Variants in PRR16 observed in about 807,000 individuals in gnomAD.
The protein encoded by PRR16 is protein Largen.
In PRR16, 6 loss-of-function variants were observed where a neutral mutation model predicts 18.2. The ratio of observed to expected loss-of-function variants is 0.33; its 90% CI spans 0.18 to 0.65. PRR16 has a LOEUF of 0.65. Ranked by LOEUF, PRR16 falls within the 30% of genes least tolerant of loss-of-function variation. PRR16 has a pLI of 0.74. For missense variants in PRR16, 412 were observed against 376.6 expected, an observed-to-expected ratio of 1.09 and a Z score of -0.78; for synonymous variants, 151 against 147.8, an observed-to-expected ratio of 1.02 and a Z score of -0.16.
At chr5:120,561,046 AT>A (rs1391282441) in intron 1 of PRR16, among the ~76,000 whole-genome samples, 1 of 151,620 alleles carries the variant, frequency 6.6e-6, no homozygotes, top group Non-Finnish European at 1.5e-5. Flanking sequence ...AGGTTTGTAA[AT>A]TTTATCTTTT....
At chr5:120,753,940 ATATAT>A in the PRR16 span, among the ~76,000 whole-genome samples, 6 of 5,918 alleles carry the variant, frequency 1.0e-3, no homozygotes, top group African/African-American at 1.1e-3. Flanking sequence ...ATTATATATA[ATATAT>A]GTTATATATT....
At chr5:120,704,302 G>GT in the PRR16 span, among the ~76,000 whole-genome samples, 1 of 152,100 alleles carries the variant, frequency 6.6e-6, no homozygotes, top group African/African-American at 2.4e-5. Flanking sequence ...GGGAGGCCTG[G>GT]TTTCTATGAG....
chr5:120,757,632 T>A, the PRR16 span, among the ~76,000 whole-genome samples: 1 of 152,220 alleles, frequency 6.6e-6, no homozygotes, highest in South Asian at 2.1e-4. Flanking sequence ...AAATACTCCT[T>A]GACACAAATA....
At chr5:120,522,516 G>A (rs567280374) in intron 1 of PRR16, among the ~76,000 whole-genome samples, 1 of 152,166 alleles carries the variant, frequency 6.6e-6, no homozygotes, top group African/African-American at 2.4e-5. Flanking sequence ...TTTTGATGAG[G>A]TTGTTTGACT....
At chr5:120,687,805 C>T (rs1045490729), downstream of PRR16, among the ~76,000 whole-genome samples, 5 of 152,180 alleles carry the variant, frequency 3.3e-5, no homozygotes, top group Non-Finnish European at 7.3e-5. Flanking sequence ...TTCCTTCTAA[C>T]ATCAAATAAA....
chr5:120,643,872 G>A (rs920097498), intron 1 of PRR16, among the ~76,000 whole-genome samples: 2 of 152,114 alleles, frequency 1.3e-5, no homozygotes, highest in African/African-American at 4.8e-5. Flanking sequence ...CGGCATGGTG[G>A]TGGGTGTCTG....
At chr5:120,623,521 T>C (rs1754756839) in intron 1 of PRR16, among the ~76,000 whole-genome samples, 1 of 152,158 alleles carries the variant, frequency 6.6e-6, no homozygotes, top group African/African-American at 2.4e-5. Context: ...AAAATGAGGA[T>C]TAATTGGTAA....
intron 1 of PRR16, among the ~76,000 whole-genome samples, chr5:120,562,783 C>G (rs1179643749): frequency 6.6e-6 from 1 of 152,090 alleles, no homozygotes; most frequent in Non-Finnish European, 1.5e-5. Context: ...AACTCTACAC[C>G]TTAACTCTGT....
intron 1 of PRR16, among the ~76,000 whole-genome samples, chr5:120,539,529 G>C (rs957360297): frequency 6.6e-6 from 1 of 152,048 alleles, no homozygotes; most frequent in Admixed American, 6.6e-5. Context: ...TGGATGGGAA[G>C]AGGGTGAATA....
At chr5:120,644,080 C>T (rs1188774933) in intron 1 of PRR16, among the ~76,000 whole-genome samples, 2 of 152,018 alleles carry the variant, frequency 1.3e-5, no homozygotes, top group Non-Finnish European at 1.5e-5. Context: ...AGCTCAATGA[C>T]TTGGGTTCTA....
intron 1 of PRR16, among the ~76,000 whole-genome samples, chr5:120,530,149 CAT>C (rs1196389606): frequency 1.4e-5 from 2 of 146,760 alleles, no homozygotes; most frequent in Non-Finnish European, 3.0e-5. Flanking sequence ...ATGCTACAGA[CAT>C]ATATATGTGT....
chr5:120,500,712 G>A lies in PRR16; in HGVS notation c.159+36067G>A, dbSNP rs1213720987. On this transcript the variant is annotated intron_variant, in intron 1 of 1. Coordinates refer to ENST00000407149, the MANE Select transcript of PRR16 (RefSeq NM_001300783.2). ...AACTTATTCTTTTTTATAAGATTTTGATATCCTGTCAGTATCACTAAATAA... is the reference window on the plus strand; with the variant it reads ...AACTTATTCTTTTTTATAAGATTTTAATATCCTGTCAGTATCACTAAATAA... Among the ~76,000 whole-genome samples the A allele has an allele frequency of 3.3e-5, 5 of 152,002 alleles. No homozygotes were observed. In the East Asian group the frequency reaches 9.6e-4, roughly 29 times the overall value.
intron 1 of PRR16, among the ~76,000 whole-genome samples, chr5:120,652,058 C>G (rs140352294): frequency 1.2e-3 from 189 of 152,018 alleles, no homozygotes; most frequent in African/African-American, 4.3e-3. Context: ...CCTTGTAAGT[C>G]AAATGATTTT....
chr5:120,574,201 A>G (rs947174204), intron 1 of PRR16, among the ~76,000 whole-genome samples: 7 of 152,284 alleles, frequency 4.6e-5, no homozygotes, highest in Admixed American at 2.0e-4. Context: ...TGTAATATCT[A>G]TACTTGAGAA....
At chr5:120,768,663 G>GA in the PRR16 span, among the ~76,000 whole-genome samples, 3 of 151,114 alleles carry the variant, frequency 2.0e-5, no homozygotes, top group Admixed American at 2.0e-4. Context: ...GAATTATTTT[G>GA]AAAAAAAATA....
downstream of PRR16, among the ~76,000 whole-genome samples, chr5:120,690,825 A>G (rs1757200500): frequency 6.6e-6 from 1 of 152,180 alleles, no homozygotes; most frequent in Non-Finnish European, 1.5e-5. Flanking sequence ...GTAGGCTGTC[A>G]TTTCATTTGA....
intron 1 of PRR16, among the ~76,000 whole-genome samples, chr5:120,522,864 C>T (rs930285517): frequency 4.6e-5 from 7 of 152,170 alleles, no homozygotes; most frequent in African/African-American, 1.4e-4. Context: ...GATCCACCTG[C>T]CTCGGCCTCC....
intron 1 of PRR16, among the ~76,000 whole-genome samples, chr5:120,498,217 A>G (rs191377079): frequency 1.5e-3 from 224 of 150,720 alleles, no homozygotes; most frequent in Middle Eastern, 7.0e-3. Context: ...TTGTCCTTTT[A>G]TAGAGTCTTT....
At chr5:120,676,080 G>C (rs931139322) in intron 1 of PRR16, among the ~76,000 whole-genome samples, 1 of 152,090 alleles carries the variant, frequency 6.6e-6, no homozygotes, top group Non-Finnish European at 1.5e-5. Flanking sequence ...CTTTCTGACA[G>C]TATGATTAGA....
Sources: gnomAD v4.1 joint callset for allele counts (sites outside exome capture counted in the v4.1 genomes callset) on GRCh38, gnomAD v4.1.1 for gene constraint, MANE v1.5 for transcripts, NCBI Gene and HGNC (gene_info 2026-07-23, HGNC 2026-07-21) for gene names.